The following TBC1D23 variants were observed in gnomAD, a reference collection of about 807,000 sequenced individuals.
TBC1D23 encodes the protein HCV non-structural protein 4A-transactivated protein 1.
In TBC1D23, 55 loss-of-function variants were observed where a neutral mutation model predicts 91.4. That is an observed-to-expected ratio of 0.60 (90% CI 0.48 to 0.75). TBC1D23 has a LOEUF of 0.75. Among genes scored for constraint, TBC1D23 ranks in the 30% least tolerant of loss-of-function variants. TBC1D23 has a pLI of 0.00. For synonymous variants in TBC1D23, 289 were observed against 281.0 expected (o/e 1.03, Z -0.28); for missense variants, 725 against 836.1 (o/e 0.87, Z 1.64).
chr3:100,285,708 A>G (rs2067735468), intron 4 of TBC1D23, among the ~76,000 whole-genome samples: 2 of 152,180 alleles, frequency 1.3e-5, no homozygotes, highest in African/African-American at 2.4e-5. Flanking sequence ...TGGAGATCCC[A>G]GTTTCTTCAC....
intron 11 of TBC1D23, among the ~76,000 whole-genome samples, 186 bp downstream of exon 11, chr3:100,302,423 G>A (rs1337987171): frequency 6.6e-6 from 1 of 151,854 alleles, no homozygotes; most frequent in African/African-American, 2.4e-5. Flanking sequence ...AAACCATCTG[G>A]CATTTATTTT....
chr3:100,300,795 C>T (rs994885794), intron 10 of TBC1D23, among the ~76,000 whole-genome samples: 12 of 152,108 alleles, frequency 7.9e-5, no homozygotes, highest in South Asian at 2.1e-4. Context: ...TCACCATGCC[C>T]GGCTTGAATT....
chr3:100,271,240 G>A (rs960772922), intron 1 of TBC1D23, among the ~76,000 whole-genome samples: 4 of 152,128 alleles, frequency 2.6e-5, no homozygotes, highest in Admixed American at 1.3e-4. Context: ...AGAGGGAAGA[G>A]ATAGATTTAA....
intron 4 of TBC1D23, among the ~76,000 whole-genome samples, chr3:100,287,941 G>T (rs1486101549): frequency 6.6e-6 from 1 of 151,662 alleles, no homozygotes; most frequent in East Asian, 1.9e-4. Flanking sequence ...TATTAATGCT[G>T]TCATGTTAAA....
In TBC1D23 at chr3:100,284,319, T is replaced by A. The variant is rs560355708; in HGVS notation, c.476+508T>A. ...TGTATAATGCACAGAAATTTATTTT[T>A]AAAAAATAATTTAAAAATTAAAAAT... On this transcript the variant is annotated intron_variant, in intron 4 of 18. Transcript: ENST00000394144. Among the ~76,000 whole-genome samples the A allele has an allele frequency of 1.4e-4, 21 of 152,172 alleles. No homozygotes were observed. The South Asian group carries it at 4.1e-3, about 30-fold the overall frequency.
At chr3:100,268,269 C>A (rs2148849034) in intron 1 of TBC1D23, among the ~76,000 whole-genome samples, 1 of 152,150 alleles carries the variant, frequency 6.6e-6, no homozygotes, top group South Asian at 2.1e-4. Context: ...TTATTCATCT[C>A]ATATATATGT....
chr3:100,301,614 T>C (rs1200661828), intron 10 of TBC1D23, among the ~76,000 whole-genome samples: 1 of 152,222 alleles, frequency 6.6e-6, no homozygotes, highest in East Asian at 1.9e-4. Flanking sequence ...TCCTTGTGTC[T>C]CCGTTACCTG....
chr3:100,268,616 C>G (rs545202964), intron 1 of TBC1D23, among the ~76,000 whole-genome samples: 3 of 152,296 alleles, frequency 2.0e-5, no homozygotes, highest in Admixed American at 6.5e-5. Context: ...TTGTAATTGA[C>G]ATAGGTAATA....
chr3:100,298,699 C>CT (rs1374289415), intron 9 of TBC1D23, among the ~76,000 whole-genome samples: 1 of 152,192 alleles, frequency 6.6e-6, no homozygotes, highest in African/African-American at 2.4e-5. Flanking sequence ...AAGCATCTCA[C>CT]TTTTTTCTTA....
chr3:100,276,918 A>G (rs2067653166), intron 1 of TBC1D23, among the ~76,000 whole-genome samples: 1 of 152,106 alleles, frequency 6.6e-6, no homozygotes, highest in African/African-American at 2.4e-5. Flanking sequence ...AATTTTGCTT[A>G]TTTTTTGTAC....
intron 14 of TBC1D23, among the ~76,000 whole-genome samples, chr3:100,311,589 A>G (rs1409492618): frequency 6.6e-6 from 1 of 152,146 alleles, no homozygotes; most frequent in Non-Finnish European, 1.5e-5. Flanking sequence ...AACATTTACA[A>G]TTTTATTTTA....
At chr3:100,318,920 T>G (rs1176983510) in intron 16 of TBC1D23, 149 bp from the exon 17 acceptor site, 2 of 484,380 alleles carry the variant, frequency 4.1e-6, no homozygotes, top group Non-Finnish European at 7.3e-6. Context: ...CCCAAAGTGC[T>G]GTGATTGCAG....
intron 1 of TBC1D23, among the ~76,000 whole-genome samples, chr3:100,269,620 A>G (rs191525618): frequency 7.2e-5 from 11 of 152,336 alleles, no homozygotes; most frequent in African/African-American, 2.2e-4. Flanking sequence ...ATGCATATCT[A>G]CTGTACAAGT....
At chr3:100,287,611 T>TA (rs1471626237) in intron 4 of TBC1D23, among the ~76,000 whole-genome samples, 1 of 152,198 alleles carries the variant, frequency 6.6e-6, no homozygotes, top group Non-Finnish European at 1.5e-5. Flanking sequence ...AGTATGAATC[T>TA]AGTTCTGTGT....
At position 100,323,599 on chromosome 3, in the gene TBC1D23, A is replaced by G; in HGVS notation, c.2031A>G (p.Pro677=). Residue 677 remains proline, a synonymous_variant, in exon 19 of 19, where the codon CCA becomes CCG. Coordinates refer to ENST00000394144, the MANE Select transcript of TBC1D23 (RefSeq NM_001199198.3). ...EILAIERYLI[P]NAGDATKAIK... The stretch of plus-strand genomic sequence containing the variant: ...TTTTCCCCCTTAGGTATTTGATTCC[A>G]AATGCAGGGGATGCAACTAAAGCCA... The G allele has an allele frequency of 6.6e-7, 1 of 1,512,242 alleles. No individual in the cohort carries two copies. The highest frequency in any genetic ancestry group is 8.9e-7 in the Non-Finnish European group (1 of 1,129,772). 93.7% of individuals were successfully genotyped at this position (1,512,242 alleles called of 1,614,324 possible).
chr3:100,319,010 G>A (rs953232846), intron 16 of TBC1D23, 59 bp from the exon 17 acceptor site: 2 of 1,158,268 alleles, frequency 1.7e-6, no homozygotes, highest in Non-Finnish European at 2.5e-6. Context: ...AGACTGTTAG[G>A]GAATGTATCA....
chr3:100,291,756 G>C (rs746435048), intron 5 of TBC1D23, among the ~76,000 whole-genome samples: 4 of 150,460 alleles, frequency 2.7e-5, no homozygotes, highest in Non-Finnish European at 5.9e-5. Flanking sequence ...TTAATGTTTG[G>C]CTACATCAAA....
intron 12 of TBC1D23, 46 bp from the exon 13 acceptor site, chr3:100,306,391 A>T: frequency 9.0e-7 from 1 of 1,107,540 alleles, no homozygotes; most frequent in Non-Finnish European, 1.4e-6. Flanking sequence ...TTTTCCAAAG[A>T]GTGTTGATAT....
chr3:100,314,590 ATCCTGTC>A (rs1005665179), intron 15 of TBC1D23, among the ~76,000 whole-genome samples: 6 of 152,058 alleles, frequency 3.9e-5, no homozygotes, highest in African/African-American at 1.4e-4. Context: ...GCATAGCAAG[ATCCTGTC>A]TCTGAAAAAA....
Sources: gnomAD v4.1 joint callset for allele counts (sites outside exome capture counted in the v4.1 genomes callset) on GRCh38, gnomAD v4.1.1 for gene constraint, MANE v1.5 for transcripts, NCBI Gene and HGNC (gene_info 2026-07-23, HGNC 2026-07-21) for gene names.